D2HGDH: variants seen among roughly 807,000 people sequenced by gnomAD.
The protein encoded by D2HGDH is D-2-hydroxyglutarate dehydrogenase.
Under a neutral mutation model 46.9 loss-of-function variants are expected in D2HGDH, and 31 were observed. The ratio of observed to expected loss-of-function variants is 0.66; its 90% confidence interval spans 0.50 to 0.89. The LOEUF (loss-of-function observed/expected upper bound fraction) is 0.89, where lower values mean the gene tolerates loss of function less well. Ranked by LOEUF, D2HGDH falls within the 40% of genes least tolerant of loss-of-function variation. The pLI is 0.00. For missense variants in D2HGDH, 698 were observed against 720.8 expected (o/e 0.97, Z 0.36); for synonymous variants, 364 against 332.6 (o/e 1.09, Z -1.03).
intron 9 of D2HGDH, among the ~76,000 whole-genome samples, chr2:241,757,620 G>C (rs1698312243): frequency 6.6e-6 from 1 of 152,158 alleles, no homozygotes; most frequent in Non-Finnish European, 1.5e-5. Flanking sequence ...AGATAAAGCA[G>C]ACCATCTTGG....
intron 2 of D2HGDH, among the ~76,000 whole-genome samples, chr2:241,736,674 T>C (rs1407300043): frequency 6.6e-6 from 1 of 151,864 alleles, no homozygotes; most frequent in African/African-American, 2.4e-5. Context: ...TTTATCCGTT[T>C]TTTTTTTTTT....
rs201926349 is a variant in D2HGDH at position 241,742,538 on chromosome 2, C to T, written c.454C>T (p.Arg152Cys). The change falls in exon 4 of 10, where the codon CGC (arginine) becomes TGC (cysteine). Residue 152 changes from arginine (R) to cysteine (C), a missense_variant. Arg to Cys is a radical substitution (Grantham distance 180). Coordinates refer to ENST00000321264, the MANE Select transcript of D2HGDH (RefSeq NM_152783.5). This position sits in a 1 kb window ranked among gnomAD's most constrained non-coding sequence, Gnocchi z 4.8. ...VFDEIILSTA[R>C]MNRVLSFHSV... Reference sequence around the variant, plus strand: ...TGACGAGATCATCCTCTCCACTGCCCGCATGAACCGGGTCCTCAGCTTCCA... The same window carrying T: ...TGACGAGATCATCCTCTCCACTGCCTGCATGAACCGGGTCCTCAGCTTCCA... The T allele has an allele frequency of 6.8e-5, 110 of 1,614,114 alleles. No homozygotes were observed. The highest frequency in any genetic ancestry group is 8.1e-5 in the Non-Finnish European group (96 of 1,180,012).
Position 241,755,835 on chromosome 2 carries a change from G to A in D2HGDH, c.1141-14G>A, listed in dbSNP as rs376050718. 71 of 1,611,274 alleles carry A rather than the reference G, an allele frequency of 4.4e-5. No homozygotes were observed. The highest frequency in any genetic ancestry group is 2.7e-4 in the African/African-American group (20 of 74,852). On this transcript the variant is annotated splice_polypyrimidine_tract_variant and intron_variant, in intron 8 of 9. Transcript: ENST00000321264. ...CCATAGCCAGCCCTTGTCTCATCTC[G>A]TCTCATCCTCTAGATGCTGTGGGCC... is the stretch of plus-strand genomic sequence containing the variant.
In D2HGDH at chr2:241,742,616, G is replaced by T. The variant is rs1171907413; in HGVS notation, c.490+42G>T. 4 of 1,612,832 alleles carry T rather than the reference G, an allele frequency of 2.5e-6. No homozygotes were observed. Among genetic ancestry groups the T allele is most frequent in the African/African-American group, 1.3e-5 (1 of 74,910 alleles). On this transcript the variant is annotated intron_variant, in intron 4 of 9. Coordinates refer to ENST00000321264, the MANE Select transcript of D2HGDH (RefSeq NM_152783.5). This position sits in a 1 kb window ranked among gnomAD's most constrained non-coding sequence, Gnocchi z 4.8. ...CGTCGGGGCCCAGGAGTCCCTCCTG[G>T]TGCTGGTGGAGTTCTTCCTTGCCAG... is the stretch of plus-strand genomic sequence containing the variant.
intron 8 of D2HGDH, chr2:241,755,400 G>A (rs1478040160): frequency 1.5e-5 from 20 of 1,305,284 alleles, no homozygotes; most frequent in Non-Finnish European, 2.0e-5. Flanking sequence ...GGTTCAGGGA[G>A]CGTCCAGGCC....
intron 7 of D2HGDH, 106 bp downstream of exon 7, chr2:241,750,400 GGC>G: frequency 2.7e-6 from 3 of 1,113,526 alleles, no homozygotes; most frequent in African/African-American, 1.6e-5. Context: ...TGCCCGGGCG[GGC>G]GGGTGGGGGG....
Position 241,741,010 on chromosome 2 carries a change from A to G in D2HGDH, c.293-23A>G, listed in dbSNP as rs145731647. The G allele has an allele frequency of 4.3e-6, 7 of 1,610,704 alleles. No homozygotes were observed. Among genetic ancestry groups the G allele is most frequent in the African/African-American group, 1.3e-5 (1 of 74,848 alleles). On this transcript the variant is annotated intron_variant, in intron 2 of 9. Coordinates refer to ENST00000321264, the MANE Select transcript of D2HGDH (RefSeq NM_152783.5). ...TCTGCAGCTCCCCCCACGCTGTCTC[A>G]TAGGATCTTCTTCCTGTCACAGGCT...
chr2:241,734,868 C>T lies in D2HGDH; in HGVS notation c.-93+173C>T, dbSNP rs139818949. 9.4e-3 allele frequency: 2,217 copies of T among 236,180 alleles called. 79 individuals carry two copies. The highest frequency in any genetic ancestry group is 0.069 in the East Asian group (856 of 12,352). 14.6% of individuals were successfully genotyped at this position (236,180 alleles called of 1,614,324 possible). A position where few individuals can be genotyped will look rare whatever the true frequency, so the allele number is the denominator to read the frequency against. On this transcript the variant is annotated intron_variant, in intron 1 of 9. Coordinates refer to ENST00000321264, the MANE Select transcript of D2HGDH (RefSeq NM_152783.5). ...GACCGCGTGGAACACGCGCGCGCGT[C>T]CGCGGGATCCCCTCGGGGGGCGAGC...
chr2:241,752,453 C>T (rs1222140382), intron 8 of D2HGDH, among the ~76,000 whole-genome samples: 4 of 152,056 alleles, frequency 2.6e-5, no homozygotes, highest in African/African-American at 7.2e-5. Context: ...TACATTCTGC[C>T]GCAGTAACAA....
intron 8 of D2HGDH, among the ~76,000 whole-genome samples, chr2:241,753,187 T>C (rs1328600806): frequency 6.6e-6 from 1 of 152,186 alleles, no homozygotes; most frequent in African/African-American, 2.4e-5. Flanking sequence ...GGGTAGGTAA[T>C]CTGGCCTTTG....
Position 241,742,684 on chromosome 2 carries a change from G to T in D2HGDH, c.490+110G>T. 7.1e-7 allele frequency: 1 copy of T among 1,414,038 alleles called. No homozygotes were observed. Among genetic ancestry groups the T allele is most frequent in the East Asian group, 2.3e-5 (1 of 43,426 alleles). The allele number at this position is 1,414,038 out of a possible 1,614,324, so 87.6% of individuals were successfully genotyped here. A position where few individuals can be genotyped will look rare whatever the true frequency, so the allele number is the denominator to read the frequency against. Reference sequence around the variant, plus strand: ...TGCTTGGGTGGGTGAATGAGTTAGGGCCGGCGCTGGGGAAAGAACCAGCGT... The same window carrying T: ...TGCTTGGGTGGGTGAATGAGTTAGGTCCGGCGCTGGGGAAAGAACCAGCGT... On this transcript the variant is annotated intron_variant, in intron 4 of 9. Transcript: ENST00000321264. This position sits in a 1 kb window ranked among gnomAD's most constrained non-coding sequence, Gnocchi z 4.8.
chr2:241,734,815 A>C (rs1575158163), intron 1 of D2HGDH, 120 bp downstream of exon 1: 1 of 168,162 alleles, frequency 5.9e-6, no homozygotes, highest in Non-Finnish European at 1.3e-5. Flanking sequence ...CTGTGGGGGG[A>C]GGGGGACGGC....
chr2:241,743,501 C>A lies in D2HGDH; in HGVS notation c.491-121C>A. 2 of 1,146,114 alleles carry A rather than the reference C, an allele frequency of 1.7e-6. No homozygotes were observed. The highest frequency in any genetic ancestry group is 2.5e-6 in the Non-Finnish European group (2 of 792,598). The allele number at this position is 1,146,114 out of a possible 1,614,324, so 71.0% of individuals were successfully genotyped here. On this transcript the variant is annotated intron_variant, in intron 4 of 9. Coordinates refer to ENST00000321264, the MANE Select transcript of D2HGDH (RefSeq NM_152783.5). This position sits in a 1 kb window ranked among gnomAD's most constrained non-coding sequence, Gnocchi z 4.8. ...TGTGGGGGTGCCTCTTCTCCTCAGC[C>A]CTGGCGCTGAGGCTGATGTTCCTTC...
Position 241,742,327 on chromosome 2 carries a change from C to T in D2HGDH, c.351-108C>T. The T allele has an allele frequency of 2.8e-6, 4 of 1,421,160 alleles. No homozygotes were observed. Among genetic ancestry groups the T allele is most frequent in the Non-Finnish European group, 3.8e-6 (4 of 1,050,524 alleles). The allele number at this position is 1,421,160 out of a possible 1,614,324, so 88.0% of individuals were successfully genotyped here. A position where few individuals can be genotyped will look rare whatever the true frequency, so the allele number is the denominator to read the frequency against. ...GCCCCCGCTGAGGCTGCAGGCAGGG[C>T]AGGGTAATCAGGATTTGGAGTCAGG... is the stretch of plus-strand genomic sequence containing the variant. On this transcript the variant is annotated intron_variant, in intron 3 of 9. Coordinates refer to ENST00000321264, the MANE Select transcript of D2HGDH (RefSeq NM_152783.5). This position sits in a 1 kb window ranked among gnomAD's most constrained non-coding sequence, Gnocchi z 4.8.
intron 6 of D2HGDH, among the ~76,000 whole-genome samples, chr2:241,745,364 G>A (rs1339979445): frequency 6.6e-6 from 1 of 152,186 alleles, no homozygotes; most frequent in Non-Finnish European, 1.5e-5. Context: ...CCACTTCTTC[G>A]GTTCTCCTGG....
At chr2:241,739,197 A>G (rs545454879) in intron 2 of D2HGDH, among the ~76,000 whole-genome samples, 1 of 152,316 alleles carries the variant, frequency 6.6e-6, no homozygotes, top group Admixed American at 6.5e-5. Flanking sequence ...GAAGGTAAAC[A>G]TCACAGGAGT....
rs1439006122 is a variant in D2HGDH at position 241,743,519 on chromosome 2, G to A, written c.491-103G>A. 7.3e-7 allele frequency: 1 copy of A among 1,362,784 alleles called. No homozygotes were observed. The highest frequency in any genetic ancestry group is 1.4e-5 in the African/African-American group (1 of 69,674). The allele number at this position is 1,362,784 out of a possible 1,614,324, so 84.4% of individuals were successfully genotyped here. Reference sequence around the variant, plus strand: ...CCTCAGCCCTGGCGCTGAGGCTGATGTTCCTTCTGGGTGGCTTGCCTGTGC... The same window carrying A: ...CCTCAGCCCTGGCGCTGAGGCTGATATTCCTTCTGGGTGGCTTGCCTGTGC... On this transcript the variant is annotated intron_variant, in intron 4 of 9. Coordinates refer to ENST00000321264, the MANE Select transcript of D2HGDH (RefSeq NM_152783.5). The surrounding 1 kb of genome is among the most constrained non-coding windows in gnomAD (Gnocchi z 4.8).
chr2:241,765,049 T>G (rs1699161800), intron 9 of D2HGDH, among the ~76,000 whole-genome samples: 1 of 152,200 alleles, frequency 6.6e-6, no homozygotes, highest in African/African-American at 2.4e-5. Context: ...GAGCCAGGAC[T>G]TTGTCTGCAG....
Position 241,743,856 on chromosome 2 carries a change from G to T in D2HGDH, c.684+41G>T, listed in dbSNP as rs747484930. ...TGCTTGGTGCAGAGGTCGCCACGGG[G>T]TGTCCTCTCACGGCTCTCATGGGCC... is the stretch of plus-strand genomic sequence containing the variant. On this transcript the variant is annotated intron_variant, in intron 5 of 9. Coordinates refer to ENST00000321264, the MANE Select transcript of D2HGDH (RefSeq NM_152783.5). This position sits in a 1 kb window ranked among gnomAD's most constrained non-coding sequence, Gnocchi z 4.8. 33 of 1,555,118 alleles carry T rather than the reference G, an allele frequency of 2.1e-5. No homozygotes were observed. Among genetic ancestry groups the T allele is most frequent in the Non-Finnish European group, 2.7e-5 (31 of 1,148,368 alleles).
Sources: gnomAD v4.1 joint callset for allele counts (sites outside exome capture counted in the v4.1 genomes callset) on GRCh38, gnomAD v4.1.1 for gene constraint, Gnocchi (gnomAD v3.1) non-coding constraint, MANE v1.5 for transcripts, NCBI Gene and HGNC (gene_info 2026-07-23, HGNC 2026-07-21) for gene names.